The following PAPPA2 variants were observed in gnomAD, a reference collection of about 807,000 sequenced individuals.
PAPPA2 encodes the protein pappalysin 2, also known as pappalysin-2.
In PAPPA2, 86 loss-of-function variants were observed where a neutral mutation model predicts 176.4. The observed-to-expected ratio is 0.49, with a 90% CI of 0.41 to 0.58. The LOEUF is 0.58. Ranked by LOEUF, PAPPA2 falls within the 20% of genes least tolerant of loss-of-function variation. The pLI, the probability that PAPPA2 is intolerant of heterozygous loss-of-function variation, is 0.00. For synonymous variants in PAPPA2, 809 were observed against 852.2 expected (o/e 0.95, Z 0.88); for missense variants, 2,073 against 2,256.9 (o/e 0.92, Z 1.65).
chr1:176,588,253 T>C (rs1248952012), intron 2 of PAPPA2, among the ~76,000 whole-genome samples: 1 of 152,242 alleles, frequency 6.6e-6, no homozygotes, highest in African/African-American at 2.4e-5. Context: ...ATTTTTCACA[T>C]TGATTTTGTA....
chr1:176,748,114 G>A (rs1394289349), intron 14 of PAPPA2, among the ~76,000 whole-genome samples: 1 of 152,198 alleles, frequency 6.6e-6, no homozygotes, highest in East Asian at 1.9e-4. Flanking sequence ...CCACACTCAA[G>A]TTGTGGAGAT....
At chr1:176,596,496 C>T (rs1653994429) in intron 3 of PAPPA2, among the ~76,000 whole-genome samples, 1 of 152,196 alleles carries the variant, frequency 6.6e-6, no homozygotes, top group South Asian at 2.1e-4. Flanking sequence ...GATGTTACCA[C>T]CTGGGAGGCC....
chr1:176,721,539 G>A (rs1471637044), intron 12 of PAPPA2, among the ~76,000 whole-genome samples: 1 of 152,056 alleles, frequency 6.6e-6, no homozygotes, highest in Non-Finnish European at 1.5e-5. Flanking sequence ...TGATATCTTT[G>A]GTACAAAATT....
At chr1:176,594,094 T>C (rs1653812316) in intron 2 of PAPPA2, among the ~76,000 whole-genome samples, 1 of 152,194 alleles carries the variant, frequency 6.6e-6, no homozygotes, top group Non-Finnish European at 1.5e-5. Flanking sequence ...GGGTAAGAGA[T>C]GGCTGTCATT....
chr1:176,739,468 C>G (rs1308982996), intron 12 of PAPPA2, among the ~76,000 whole-genome samples, 158 bp from the exon 13 acceptor site: 1 of 152,048 alleles, frequency 6.6e-6, no homozygotes, highest in Non-Finnish European at 1.5e-5. Context: ...ACCTTGAATA[C>G]CTTTCTGTGT....
intron 21 of PAPPA2, among the ~76,000 whole-genome samples, chr1:176,828,892 A>G (rs1666965286): frequency 6.6e-6 from 1 of 151,958 alleles, no homozygotes; most frequent in African/African-American, 2.4e-5. Context: ...ATTCCCAACT[A>G]CTTGGGAGGC....
intron 3 of PAPPA2, among the ~76,000 whole-genome samples, chr1:176,612,755 A>G (rs1315225955): frequency 6.6e-6 from 1 of 152,186 alleles, no homozygotes; most frequent in Non-Finnish European, 1.5e-5. Context: ...ATCAGTTTTG[A>G]TTCTGCTCCT....
intron 2 of PAPPA2, among the ~76,000 whole-genome samples, chr1:176,558,710 C>T (rs906338375): frequency 1.3e-5 from 2 of 152,130 alleles, no homozygotes; most frequent in Non-Finnish European, 2.9e-5. Flanking sequence ...TTGGCAGCTC[C>T]ACAATTTCTC....
chr1:176,551,087 CT>C (rs1650921222), intron 1 of PAPPA2, among the ~76,000 whole-genome samples: 2 of 151,986 alleles, frequency 1.3e-5, no homozygotes, highest in African/African-American at 4.8e-5. Context: ...GTTCCCTTAC[CT>C]GCGAAAAAAG....
At chr1:176,520,171 T>G (rs1405989013) in intron 1 of PAPPA2, among the ~76,000 whole-genome samples, 1 of 152,192 alleles carries the variant, frequency 6.6e-6, no homozygotes, top group Non-Finnish European at 1.5e-5. Flanking sequence ...ACATTTCTAT[T>G]CTTCCTCCTT....
At chr1:176,792,620 G>T (rs186114847) in intron 19 of PAPPA2, among the ~76,000 whole-genome samples, 1 of 152,196 alleles carries the variant, frequency 6.6e-6, no homozygotes, top group East Asian at 1.9e-4. Context: ...CCACTAACTC[G>T]TCGGTGGGTG....
intron 21 of PAPPA2, among the ~76,000 whole-genome samples, chr1:176,809,008 TC>T (rs566474219): frequency 3.1e-3 from 469 of 152,250 alleles, no homozygotes; most frequent in Non-Finnish European, 5.0e-3. Flanking sequence ...TGTGAGAATA[TC>T]CTAAAAGTGT....
chr1:176,839,239 C>T (rs1667391290), intron 21 of PAPPA2, among the ~76,000 whole-genome samples: 1 of 152,176 alleles, frequency 6.6e-6, no homozygotes, highest in East Asian at 1.9e-4. Context: ...GATTTACCCT[C>T]CAGGATACAG....
intron 17 of PAPPA2, among the ~76,000 whole-genome samples, chr1:176,773,316 A>G (rs186240255): frequency 5.1e-4 from 78 of 152,320 alleles, no homozygotes; most frequent in Middle Eastern, 6.8e-3. Flanking sequence ...CTTGCTGCTC[A>G]TGTTTACTCA....
intron 21 of PAPPA2, among the ~76,000 whole-genome samples, chr1:176,811,582 C>T (rs1305671485): frequency 1.3e-5 from 2 of 152,000 alleles, no homozygotes; most frequent in Non-Finnish European, 1.5e-5. Flanking sequence ...TAGGTCCTTA[C>T]AAATCTAAAT....
chr1:176,656,587 T>G (rs1288628377), intron 3 of PAPPA2, among the ~76,000 whole-genome samples: 3 of 151,896 alleles, frequency 2.0e-5, no homozygotes, highest in Admixed American at 6.6e-5. Context: ...TGTTGGTAAC[T>G]GGAGCGGACA....
At chr1:176,492,370 G>C (rs917702417) in intron 1 of PAPPA2, among the ~76,000 whole-genome samples, 4 of 152,160 alleles carry the variant, frequency 2.6e-5, no homozygotes, top group Admixed American at 2.6e-4. Flanking sequence ...TATAACAATA[G>C]TTGTTTTGAT....
chr1:176,574,399 A>G (rs1652526928), intron 2 of PAPPA2, among the ~76,000 whole-genome samples: 2 of 152,154 alleles, frequency 1.3e-5, no homozygotes, highest in Non-Finnish European at 2.9e-5. Context: ...GAGACTGTAC[A>G]GCTATTAAGT....
chr1:176,658,117 A>G (rs1658129361), intron 3 of PAPPA2, among the ~76,000 whole-genome samples: 2 of 152,188 alleles, frequency 1.3e-5, no homozygotes, highest in African/African-American at 4.8e-5. Flanking sequence ...ATGTAGGTAC[A>G]TATGTATATA....
Sources: gnomAD v4.1 joint callset for allele counts (sites outside exome capture counted in the v4.1 genomes callset) on GRCh38, gnomAD v4.1.1 for gene constraint, MANE v1.5 for transcripts, NCBI Gene and HGNC (gene_info 2026-07-23, HGNC 2026-07-21) for gene names.